The following IPO5 variants were observed in gnomAD, a reference collection of about 807,000 sequenced individuals.
IPO5 encodes the protein importin 5, also known as importin-5.
Under a neutral mutation model 143.3 loss-of-function variants are expected in IPO5, and 18 were observed. The observed-to-expected ratio is 0.13, with a 90% CI of 0.09 to 0.19. IPO5 has a LOEUF of 0.19. IPO5 is among the 10% of genes least tolerant of loss of function. The pLI, the probability that IPO5 is intolerant of heterozygous loss-of-function variation, is 1.00. For missense variants in IPO5, 1,013 were observed against 1,336.9 expected (o/e 0.76, Z 3.78); for synonymous variants, 477 against 465.7 (o/e 1.02, Z -0.31).
intron 20 of IPO5, among the ~76,000 whole-genome samples, chr13:98,011,895 G>A (rs1348911013): frequency 6.6e-6 from 1 of 152,072 alleles, no homozygotes. Flanking sequence ...AGGGTTTTTT[G>A]TATCTTTTAG....
At chr13:97,981,434 A>G (rs537680072) in intron 4 of IPO5, 67 of 309,120 alleles carry the variant, frequency 2.2e-4, no homozygotes, top group Admixed American at 3.4e-4. Context: ...TTATTTCCTT[A>G]TCTGTTAATA....
chr13:97,972,021 AAAT>A (rs1885866194), intron 3 of IPO5, among the ~76,000 whole-genome samples: 1 of 152,234 alleles, frequency 6.6e-6, no homozygotes, highest in African/African-American at 2.4e-5. Flanking sequence ...TTATTAACAA[AAAT>A]AATAATGCCA....
chr13:98,004,695 A>G (rs1317719049), intron 16 of IPO5, among the ~76,000 whole-genome samples: 1 of 152,148 alleles, frequency 6.6e-6, no homozygotes, highest in Admixed American at 6.5e-5. Context: ...CCAGCAGCAC[A>G]GTCCACACTA....
chr13:98,016,181 A>C (rs1350103306), intron 24 of IPO5, among the ~76,000 whole-genome samples: 4 of 152,128 alleles, frequency 2.6e-5, no homozygotes, highest in Non-Finnish European at 5.9e-5. Context: ...TAGTTCTCTC[A>C]TCAAACCACC....
chr13:97,966,763 G>A (rs376642614), intron 2 of IPO5, among the ~76,000 whole-genome samples: 1 of 152,182 alleles, frequency 6.6e-6, no homozygotes, highest in African/African-American at 2.4e-5. Context: ...ATTCAGCTGG[G>A]CGCAGTGGCT....
chr13:97,984,470 T>C (rs1887160049), intron 5 of IPO5, among the ~76,000 whole-genome samples: 1 of 152,234 alleles, frequency 6.6e-6, no homozygotes, highest in African/African-American at 2.4e-5. Flanking sequence ...ATTGTGGCTT[T>C]ATAGTTTTTG....
rs542365229 is a variant in IPO5 at position 97,995,937 on chromosome 13, T to C, written c.914-1594T>C. 1.2e-4 allele frequency among the ~76,000 whole-genome samples: 18 copies of C among 152,284 alleles called. No homozygotes were observed. The South Asian group carries it at 3.3e-3, about 28-fold the overall frequency. On this transcript the variant is annotated intron_variant, in intron 11 of 28. Transcript: ENST00000651721. ...AACCATTGATGTAAACATTGCCAAA[T>C]TGGCAAATGCGAAAACAATTTTTTG... is the stretch of plus-strand genomic sequence containing the variant.
intron 22 of IPO5, among the ~76,000 whole-genome samples, chr13:98,015,242 TTGTGTGTG>T (rs1179382229): frequency 9.5e-4 from 140 of 147,826 alleles, no homozygotes; most frequent in Non-Finnish European, 1.6e-3. Context: ...TAGGAGCTGG[TTGTGTGTG>T]TGTGTGTGTG....
At chr13:97,997,731 G>A (rs577034981) in intron 12 of IPO5, 113 bp downstream of exon 12, 4 of 476,002 alleles carry the variant, frequency 8.4e-6, no homozygotes, top group African/African-American at 2.0e-5. Flanking sequence ...GGAATATGGG[G>A]CACTTTGCCT....
chr13:97,975,817 G>T (rs1324714933), intron 3 of IPO5: 2 of 551,380 alleles, frequency 3.6e-6, no homozygotes, highest in Non-Finnish European at 4.6e-6. Flanking sequence ...GTGTACATCC[G>T]AAGACGACCG....
chr13:98,000,739 T>C (rs556417396), intron 13 of IPO5, 94 bp downstream of exon 13: 3 of 809,046 alleles, frequency 3.7e-6, no homozygotes, highest in Non-Finnish European at 6.2e-6. Flanking sequence ...AAATTAATCT[T>C]TGTCTTTTTA....
chr13:97,964,061 T>A (rs924824060), intron 2 of IPO5, among the ~76,000 whole-genome samples: 1 of 152,198 alleles, frequency 6.6e-6, no homozygotes. Context: ...TCTTGTAAAT[T>A]TGTTTAAGTT....
intron 2 of IPO5, among the ~76,000 whole-genome samples, chr13:97,961,400 C>T (rs1039400009): frequency 1.1e-4 from 17 of 152,190 alleles, no homozygotes; most frequent in Non-Finnish European, 1.8e-4. Context: ...GGCACGATCT[C>T]GGCTCAACGC....
chr13:97,957,004 A>G (rs1028931426), intron 2 of IPO5, among the ~76,000 whole-genome samples: 23 of 152,190 alleles, frequency 1.5e-4, no homozygotes, highest in Non-Finnish European at 3.2e-4. Context: ...CTGATTTTAC[A>G]TGGCAGATAG....
chr13:98,009,048 G>T (rs1310198778), intron 18 of IPO5, among the ~76,000 whole-genome samples: 1 of 152,236 alleles, frequency 6.6e-6, no homozygotes, highest in East Asian at 1.9e-4. Context: ...ACAGTAGGGA[G>T]ACTGAGGGGA....
At chr13:98,008,007 C>G (rs1889408893) in intron 17 of IPO5, 52 bp from the exon 18 acceptor site, 1 of 1,187,342 alleles carries the variant, frequency 8.4e-7, no homozygotes, top group Non-Finnish European at 1.2e-6. Flanking sequence ...GCTAATTACA[C>G]AAGAAACAAA....
chr13:97,995,027 G>A (rs1888129750), intron 11 of IPO5, among the ~76,000 whole-genome samples: 1 of 151,636 alleles, frequency 6.6e-6, no homozygotes, highest in South Asian at 2.1e-4. Context: ...TCAGGAGGCT[G>A]AGATGGAGGA....
intron 3 of IPO5, 35 bp from the exon 4 acceptor site, chr13:97,976,658 C>G: frequency 8.9e-7 from 1 of 1,129,484 alleles, no homozygotes; most frequent in Non-Finnish European, 1.2e-6. Context: ...CCTCACGGCT[C>G]CTGTCTCCCC....
intron 5 of IPO5, among the ~76,000 whole-genome samples, chr13:97,984,239 A>G (rs888664830): frequency 2.0e-5 from 3 of 151,820 alleles, no homozygotes; most frequent in African/African-American, 4.8e-5. Flanking sequence ...CGGCCTCCCA[A>G]AGTGCTGGGA....
Sources: gnomAD v4.1 joint callset for allele counts (sites outside exome capture counted in the v4.1 genomes callset) on GRCh38, gnomAD v4.1.1 for gene constraint, MANE v1.5 for transcripts, NCBI Gene and HGNC (gene_info 2026-07-23, HGNC 2026-07-21) for gene names.